Variants in SCFD2 observed in about 807,000 individuals in gnomAD.
The protein encoded by SCFD2 is sec1 family domain-containing protein 2.
SCFD2 carries 54 observed loss-of-function variants against 58.9 expected under a neutral mutation model. The observed-to-expected ratio is 0.92, with a 90% CI of 0.74 to 1.15. The LOEUF (loss-of-function observed/expected upper bound fraction) is 1.15, where lower values mean the gene tolerates loss of function less well. Ranked by LOEUF, SCFD2 falls within the 50% of genes most tolerant of loss-of-function variation. The probability of loss-of-function intolerance (pLI) is 0.00; values close to 1 mark genes in which losing one functional copy is unlikely to be tolerated. For missense variants in SCFD2, 805 were observed against 836.6 expected, an observed-to-expected ratio of 0.96 and a Z score of 0.47; for synonymous variants, 321 against 335.9, an observed-to-expected ratio of 0.96 and a Z score of 0.49.
intron 6 of SCFD2, among the ~76,000 whole-genome samples, chr4:52,918,480 A>G (rs1322019461): frequency 1.3e-5 from 2 of 152,194 alleles, no homozygotes; most frequent in Non-Finnish European, 2.9e-5. Context: ...ATTTAAAAAT[A>G]TTTTAAATTT....
intron 5 of SCFD2, among the ~76,000 whole-genome samples, chr4:52,943,811 G>T (rs914741156): frequency 1.3e-5 from 2 of 152,152 alleles, no homozygotes; most frequent in Non-Finnish European, 2.9e-5. Context: ...CAATGGCTCT[G>T]TATCACCCAT....
chr4:52,906,154 C>T (rs1387037343), intron 7 of SCFD2, among the ~76,000 whole-genome samples: 2 of 152,148 alleles, frequency 1.3e-5, no homozygotes, highest in South Asian at 4.1e-4. Flanking sequence ...TGGGGTGGAG[C>T]CTTCATTTGT....
intron 5 of SCFD2, among the ~76,000 whole-genome samples, chr4:52,984,857 T>G (rs779121376): frequency 6.6e-6 from 1 of 152,230 alleles, no homozygotes; most frequent in Non-Finnish European, 1.5e-5. Flanking sequence ...GCAGCTGGAT[T>G]CTGTACCTTT....
At chr4:53,158,997 A>G (rs1221204130) in intron 4 of SCFD2, among the ~76,000 whole-genome samples, 2 of 152,156 alleles carry the variant, frequency 1.3e-5, no homozygotes, top group Non-Finnish European at 2.9e-5. Context: ...TCTGTCTGCC[A>G]TGGCTCTTAT....
intron 1 of SCFD2, among the ~76,000 whole-genome samples, chr4:53,364,078 T>G (rs1192130902): frequency 2.0e-5 from 3 of 152,206 alleles, no homozygotes; most frequent in Non-Finnish European, 4.4e-5. Context: ...TTTAATCCCC[T>G]ATGGACTCTG....
Position 53,104,800 on chromosome 4 carries a change from G to A in SCFD2, c.1561+40533C>T, listed in dbSNP as rs1178453266. ...CATCACAAAACACAGATGACCTGACGTTTCCTCACAGTTAGTTCTCCACAG... is the reference window on the plus strand; with the variant it reads ...CATCACAAAACACAGATGACCTGACATTTCCTCACAGTTAGTTCTCCACAG... On this transcript the variant is annotated intron_variant, in intron 5 of 8. Coordinates refer to ENST00000401642, the MANE Select transcript of SCFD2 (RefSeq NM_152540.4). 2.0e-5 allele frequency among the ~76,000 whole-genome samples: 3 copies of A among 152,192 alleles called. No individual in the cohort carries two copies. The East Asian group carries it at 5.8e-4, about 29-fold the overall frequency.
At chr4:52,941,808 T>C (rs1267967418) in intron 5 of SCFD2, among the ~76,000 whole-genome samples, 1 of 152,220 alleles carries the variant, frequency 6.6e-6, no homozygotes, top group Admixed American at 6.5e-5. Context: ...TTGAGTATCC[T>C]TTATCCAAAA....
intron 4 of SCFD2, among the ~76,000 whole-genome samples, chr4:53,219,590 A>T (rs1296589480): frequency 6.6e-6 from 1 of 152,016 alleles, no homozygotes; most frequent in Non-Finnish European, 1.5e-5. Flanking sequence ...TTCCTGGGTG[A>T]GGTGATGCCT....
chr4:53,060,537 C>T (rs1243794024), intron 5 of SCFD2, among the ~76,000 whole-genome samples: 1 of 152,122 alleles, frequency 6.6e-6, no homozygotes, highest in Non-Finnish European at 1.5e-5. Flanking sequence ...AATACTAATA[C>T]ATTATTTGCC....
intron 5 of SCFD2, among the ~76,000 whole-genome samples, chr4:52,922,883 C>T (rs1413946504): frequency 6.6e-6 from 1 of 152,192 alleles, no homozygotes; most frequent in Non-Finnish European, 1.5e-5. Flanking sequence ...TATTAGCTAT[C>T]TTCTTAATTA....
intron 2 of SCFD2, among the ~76,000 whole-genome samples, chr4:53,340,778 C>A (rs11947322): frequency 0.11 from 17,366 of 152,238 alleles, 1,115 homozygotes; most frequent in East Asian, 0.21. Flanking sequence ...GAGGAAAGAT[C>A]AGGCAGCAAC....
chr4:53,270,821 A>C (rs916132343), intron 4 of SCFD2, among the ~76,000 whole-genome samples: 2 of 152,234 alleles, frequency 1.3e-5, no homozygotes, highest in African/African-American at 4.8e-5. Context: ...ATTTAAAAAC[A>C]CTGATGGATA....
At chr4:52,933,622 C>A (rs751124199) in intron 5 of SCFD2, among the ~76,000 whole-genome samples, 1 of 152,068 alleles carries the variant, frequency 6.6e-6, no homozygotes, top group Admixed American at 6.6e-5. Context: ...GAACTACAGC[C>A]GGCTCCATGA....
intron 4 of SCFD2, among the ~76,000 whole-genome samples, chr4:53,214,265 C>T (rs191086427): frequency 1.3e-5 from 2 of 152,214 alleles, no homozygotes; most frequent in African/African-American, 4.8e-5. Flanking sequence ...AGTTTACAAT[C>T]CCACCAACAG....
chr4:53,355,525 C>T (rs1306038550), intron 1 of SCFD2, among the ~76,000 whole-genome samples: 2 of 152,166 alleles, frequency 1.3e-5, no homozygotes, highest in African/African-American at 4.8e-5. Context: ...TCTTTAGTAA[C>T]AGTAGCTACC....
intron 2 of SCFD2, among the ~76,000 whole-genome samples, chr4:53,331,774 C>CA (rs1733480848): frequency 6.7e-6 from 1 of 149,346 alleles, no homozygotes; most frequent in African/African-American, 2.5e-5. Flanking sequence ...AATAGAGACA[C>CA]AAAAAACCCT....
At chr4:52,911,812 T>C (rs1719492672) in intron 6 of SCFD2, among the ~76,000 whole-genome samples, 8 of 152,252 alleles carry the variant, frequency 5.3e-5, no homozygotes, top group Non-Finnish European at 1.5e-5. Flanking sequence ...AGTTCTGTGA[T>C]GCTGGGCTGA....
intron 7 of SCFD2, among the ~76,000 whole-genome samples, chr4:52,886,421 CCT>C (rs1718743051): frequency 6.6e-6 from 1 of 152,228 alleles, no homozygotes; most frequent in Non-Finnish European, 1.5e-5. Context: ...GTCAGTGTGA[CCT>C]CTTTCTTCTT....
At chr4:53,263,004 T>C (rs1730872597) in intron 4 of SCFD2, among the ~76,000 whole-genome samples, 1 of 152,116 alleles carries the variant, frequency 6.6e-6, no homozygotes, top group Non-Finnish European at 1.5e-5. Context: ...GCCTTGTCCT[T>C]GAGCTCTGAA....
Sources: gnomAD v4.1 joint callset for allele counts (sites outside exome capture counted in the v4.1 genomes callset) on GRCh38, gnomAD v4.1.1 for gene constraint, MANE v1.5 for transcripts, NCBI Gene and HGNC (gene_info 2026-07-23, HGNC 2026-07-21) for gene names.